Variants in RBFOX1 observed in about 807,000 individuals in gnomAD.
The protein encoded by RBFOX1 is RNA binding protein fox-1 homolog 1.
RBFOX1 carries 8 observed loss-of-function variants against 57.7 expected under a neutral mutation model. The ratio of observed to expected loss-of-function variants is 0.14; its 90% CI spans 0.08 to 0.25. RBFOX1 has a LOEUF of 0.25. Ranked by LOEUF, RBFOX1 falls within the 10% of genes least tolerant of loss-of-function variation. RBFOX1 has a pLI of 1.00. For missense variants in RBFOX1, 611 were observed against 548.5 expected (o/e 1.11, Z -1.14); for synonymous variants, 326 against 222.4 (o/e 1.47, Z -4.15).
intron 1 of RBFOX1, among the ~76,000 whole-genome samples, chr16:5,433,869 A>G (rs1174725295): frequency 6.6e-6 from 1 of 152,114 alleles, no homozygotes; most frequent in Non-Finnish European, 1.5e-5. Flanking sequence ...ATGGATGGAA[A>G]ACGTAGGAGA....
intron 2 of RBFOX1, among the ~76,000 whole-genome samples, chr16:6,636,617 T>C (rs973201721): frequency 2.6e-5 from 4 of 151,550 alleles, no homozygotes; most frequent in African/African-American, 9.7e-5. Context: ...GTATTTTTTG[T>C]GTGCATGATC....
chr16:5,989,471 G>T (rs185447668), intron 4 of RBFOX1, among the ~76,000 whole-genome samples: 5 of 152,264 alleles, frequency 3.3e-5, no homozygotes, highest in African/African-American at 1.2e-4. Context: ...CACAGGAAAT[G>T]GAGGCAATTT....
At chr16:7,071,045 C>A (rs7359396) in intron 4 of RBFOX1, among the ~76,000 whole-genome samples, 2,209 of 152,254 alleles carry the variant, frequency 0.015, 61 homozygotes, top group African/African-American at 0.05. Context: ...CAAAAAACAG[C>A]ATAGCCCTTC....
At chr16:5,586,525 T>G (rs1038955935) in intron 2 of RBFOX1, among the ~76,000 whole-genome samples, 4 of 152,190 alleles carry the variant, frequency 2.6e-5, no homozygotes, top group Non-Finnish European at 5.9e-5. Context: ...TCAAGACAGG[T>G]TTCACTCTGT....
intron 1 of RBFOX1, among the ~76,000 whole-genome samples, chr16:6,161,688 A>G (rs570214228): frequency 3.9e-5 from 6 of 152,118 alleles, no homozygotes; most frequent in Admixed American, 1.3e-4. Context: ...GATTGCTTCT[A>G]TCATGCCCAG....
intron 14 of RBFOX1, among the ~76,000 whole-genome samples, chr16:7,705,945 C>T (rs150901302): frequency 9.8e-5 from 15 of 152,288 alleles, no homozygotes; most frequent in East Asian, 7.7e-4. Flanking sequence ...GCCAGGGATG[C>T]ATGGTGTGGA....
intron 3 of RBFOX1, among the ~76,000 whole-genome samples, chr16:5,773,691 T>C (rs1409470895): frequency 2.0e-5 from 3 of 152,140 alleles, no homozygotes; most frequent in Non-Finnish European, 2.9e-5. Context: ...GAAAAGCATG[T>C]GCATTTTTAT....
intron 2 of RBFOX1, among the ~76,000 whole-genome samples, chr16:5,550,114 C>G (rs1204028173): frequency 1.3e-5 from 2 of 152,180 alleles, no homozygotes; most frequent in Non-Finnish European, 2.9e-5. Flanking sequence ...ATCAGTTACA[C>G]TGGAACAAAT....
chr16:5,417,663 G>A (rs1314591295), intron 1 of RBFOX1, among the ~76,000 whole-genome samples: 1 of 152,188 alleles, frequency 6.6e-6, no homozygotes, highest in Non-Finnish European at 1.5e-5. Flanking sequence ...TCTGGGGAAG[G>A]CCTGCCATTT....
chr16:6,799,365 T>TA (rs776399047), intron 3 of RBFOX1, among the ~76,000 whole-genome samples: 25 of 152,174 alleles, frequency 1.6e-4, no homozygotes, highest in African/African-American at 3.9e-4. Context: ...TCTTTGTAGT[T>TA]AAAAAAAGGT....
At chr16:6,461,622 T>A (rs2094923650) in intron 2 of RBFOX1, among the ~76,000 whole-genome samples, 1 of 152,234 alleles carries the variant, frequency 6.6e-6, no homozygotes. Context: ...TCTTTTTTGT[T>A]CAAACTAAGA....
chr16:6,340,450 T>A (rs2084395423), intron 2 of RBFOX1, among the ~76,000 whole-genome samples: 1 of 152,200 alleles, frequency 6.6e-6, no homozygotes, highest in Non-Finnish European at 1.5e-5. Context: ...AAGGAATGGC[T>A]ACCTCATAGG....
rs184763973 is a variant in RBFOX1 at position 5,871,696 on chromosome 16, A to G, written c.351+4361A>G. Among the ~76,000 whole-genome samples the G allele has an allele frequency of 2.3e-3, 356 of 152,286 alleles. 1 individual carries two copies. The highest frequency in any genetic ancestry group is 8.1e-3 in the African/African-American group (338 of 41,560). On this transcript the variant is annotated intron_variant, in intron 4 of 19. Transcript: ENST00000641259. ...CCCACGTTGTCTATGCTGACAGCCA[A>G]ACAAAGGAGGTTATAGAAGAGGATG...
chr16:6,752,395 G>A (rs2075091284), intron 3 of RBFOX1, among the ~76,000 whole-genome samples: 2 of 152,146 alleles, frequency 1.3e-5, no homozygotes, highest in African/African-American at 4.8e-5. Context: ...AGAGAATGAA[G>A]CAAGAAATTG....
intron 4 of RBFOX1, among the ~76,000 whole-genome samples, chr16:7,053,142 C>T (rs1476630824): frequency 1.3e-5 from 2 of 152,184 alleles, no homozygotes; most frequent in Non-Finnish European, 2.9e-5. Flanking sequence ...GAGTTGCTTC[C>T]ATTTCACAGT....
intron 1 of RBFOX1, chr16:5,365,783 A>T: frequency 2.0e-6 from 1 of 505,880 alleles, no homozygotes; most frequent in Non-Finnish European, 3.9e-6. Flanking sequence ...ACCTAAGTGC[A>T]TGCTGCCACC....
At chr16:6,322,365 G>T (rs2081909442) in intron 2 of RBFOX1, among the ~76,000 whole-genome samples, 1 of 152,070 alleles carries the variant, frequency 6.6e-6, no homozygotes, top group Non-Finnish European at 1.5e-5. Flanking sequence ...CATTCCAACT[G>T]GGCAAGTTCA....
chr16:5,793,176 G>T (rs2054759537), intron 3 of RBFOX1, among the ~76,000 whole-genome samples: 1 of 152,160 alleles, frequency 6.6e-6, no homozygotes, highest in Non-Finnish European at 1.5e-5. Flanking sequence ...CTCTAAACTT[G>T]CACTTCAGCC....
intron 14 of RBFOX1, among the ~76,000 whole-genome samples, chr16:7,700,692 T>C (rs1012953608): frequency 6.6e-6 from 1 of 152,176 alleles, no homozygotes; most frequent in Non-Finnish European, 1.5e-5. Context: ...GCTCCTTTTT[T>C]AGAGGAGGTA....
Sources: allele counts gnomAD v4.1 joint callset (sites outside exome capture counted in the v4.1 genomes callset), GRCh38; gene constraint gnomAD v4.1.1; transcripts MANE v1.5; gene names NCBI Gene and HGNC (gene_info 2026-07-23, HGNC 2026-07-21).